The following LRRC20 variants were observed in gnomAD, a reference collection of about 807,000 sequenced individuals.
LRRC20 encodes leucine-rich repeat-containing protein 20.
A neutral mutation model predicts 14.4 loss-of-function variants in LRRC20; 11 were observed. That is an observed-to-expected ratio of 0.77 (90% CI 0.48 to 1.27). The LOEUF (loss-of-function observed/expected upper bound fraction) is 1.27. Among genes scored for constraint, LRRC20 ranks in the 50% most tolerant of loss-of-function variants. The pLI, the probability that LRRC20 is intolerant of heterozygous loss-of-function variation, is 0.00. For synonymous variants in LRRC20, 121 were observed against 107.3 expected (o/e 1.13, Z -0.79); for missense variants, 219 against 251.2 (o/e 0.87, Z 0.87).
At position 70,300,290 on chromosome 10, in the gene LRRC20, T is replaced by A. The variant is rs1841122116; in HGVS notation, c.*1064A>T. The A allele has an allele frequency of 1.1e-6, 1 of 898,864 alleles. No homozygotes were observed. Among genetic ancestry groups the A allele is most frequent in the African/African-American group, 1.8e-5 (1 of 55,356 alleles). 55.7% of individuals were successfully genotyped at this position (898,864 alleles called of 1,614,324 possible). On this transcript the variant is annotated 3_prime_UTR_variant, in exon 5 of 5. Transcript: ENST00000446961. ...CCACTTGCTGGGTACTGTCCCAGTT[T>A]TAGCATTGAAAGTTCCATGTCCTGG...
chr10:70,376,167 C>G (rs1844501184), intron 2 of LRRC20, among the ~76,000 whole-genome samples: 1 of 152,154 alleles, frequency 6.6e-6, no homozygotes, highest in African/African-American at 2.4e-5. Context: ...CCAGGACCAG[C>G]TCTGTATTTT....
intron 2 of LRRC20, among the ~76,000 whole-genome samples, chr10:70,356,676 C>A (rs944944692): frequency 6.6e-6 from 1 of 152,080 alleles, no homozygotes. Context: ...TATGGTGAAA[C>A]CCCGTCTCTA....
intron 2 of LRRC20, among the ~76,000 whole-genome samples, chr10:70,375,413 G>A (rs1262086274): frequency 6.6e-6 from 1 of 152,170 alleles, no homozygotes; most frequent in Non-Finnish European, 1.5e-5. Context: ...AAGGCGGAGG[G>A]CTTCCTGGAA....
intron 2 of LRRC20, among the ~76,000 whole-genome samples, chr10:70,355,261 G>C (rs1395519433): frequency 6.6e-6 from 1 of 152,172 alleles, no homozygotes; most frequent in Non-Finnish European, 1.5e-5. Context: ...GAGCTGGCTG[G>C]CTCTAAAAGG....
At chr10:70,363,296 T>C (rs1843825642) in intron 2 of LRRC20, among the ~76,000 whole-genome samples, 1 of 150,596 alleles carries the variant, frequency 6.6e-6, no homozygotes, top group Non-Finnish European at 1.5e-5. Flanking sequence ...CCCCAGAACA[T>C]TCTCTCAAGG....
intron 3 of LRRC20, among the ~76,000 whole-genome samples, chr10:70,325,168 A>C (rs1433054337): frequency 1.3e-5 from 2 of 152,198 alleles, no homozygotes; most frequent in African/African-American, 4.8e-5. Flanking sequence ...CTTTGTGGGC[A>C]TGGGGCCAGT....
chr10:70,350,534 A>G (rs993182922), intron 2 of LRRC20, among the ~76,000 whole-genome samples: 4 of 152,250 alleles, frequency 2.6e-5, no homozygotes, highest in Admixed American at 6.5e-5. Flanking sequence ...CCAAGAAGAC[A>G]GAACACTCAG....
chr10:70,358,523 T>A (rs1843610472), intron 2 of LRRC20, among the ~76,000 whole-genome samples: 1 of 152,224 alleles, frequency 6.6e-6, no homozygotes, highest in Admixed American at 6.5e-5. Context: ...ATCTCACAGA[T>A]GCATGACTGA....
At chr10:70,304,687 C>T (rs1841351511) in intron 4 of LRRC20, among the ~76,000 whole-genome samples, 1 of 151,750 alleles carries the variant, frequency 6.6e-6, no homozygotes, top group South Asian at 2.1e-4. Context: ...AAACTCTATA[C>T]CCATTTAAAC....
intron 3 of LRRC20, among the ~76,000 whole-genome samples, chr10:70,330,458 C>A (rs934448893): frequency 1.1e-4 from 17 of 151,906 alleles, no homozygotes; most frequent in Non-Finnish European, 2.4e-4. Context: ...TGCTTCTAGG[C>A]CCCCTCCCCA....
intron 3 of LRRC20, among the ~76,000 whole-genome samples, chr10:70,331,006 G>T (rs190542394): frequency 1.4e-4 from 21 of 152,316 alleles, no homozygotes; most frequent in Admixed American, 1.4e-3. Flanking sequence ...CTGGAGGCAG[G>T]TCAGAAAAGC....
chr10:70,341,970 A>C (rs1842931630), intron 2 of LRRC20, among the ~76,000 whole-genome samples: 1 of 151,926 alleles, frequency 6.6e-6, no homozygotes, highest in African/African-American at 2.4e-5. Flanking sequence ...CAGGGGATGG[A>C]GGGTGGGGGA....
intron 2 of LRRC20, among the ~76,000 whole-genome samples, chr10:70,372,688 C>T (rs994030380): frequency 7.1e-4 from 108 of 152,066 alleles, no homozygotes; most frequent in African/African-American, 2.3e-3. Flanking sequence ...GTGATCCGCC[C>T]GCCTCGGCCA....
intron 4 of LRRC20, among the ~76,000 whole-genome samples, chr10:70,320,296 G>GAGATAGATAGATAGATAGAT (rs10555469): frequency 8.8e-5 from 13 of 148,438 alleles, no homozygotes; most frequent in South Asian, 2.2e-4. Flanking sequence ...CATGTCCCAG[G>GAGATAGATAGATAGATAGAT]AGATAGATAG....
intron 2 of LRRC20, among the ~76,000 whole-genome samples, chr10:70,350,253 C>T (rs1009071783): frequency 9.8e-5 from 15 of 152,328 alleles, no homozygotes; most frequent in Admixed American, 5.9e-4. Context: ...GCCACTGACA[C>T]CTGGGCTGCA....
chr10:70,365,666 A>G (rs75061555), intron 2 of LRRC20, among the ~76,000 whole-genome samples: 8,134 of 152,184 alleles, frequency 0.053, 413 homozygotes, highest in African/African-American at 0.13. Flanking sequence ...ACAGCACTGC[A>G]CTCCAGCCTG....
chr10:70,333,461 G>A (rs1244071568), intron 3 of LRRC20, among the ~76,000 whole-genome samples: 10 of 152,146 alleles, frequency 6.6e-5, no homozygotes, highest in Non-Finnish European at 1.0e-4. Context: ...TCTGCTGGGC[G>A]GTTCTTCTGC....
At chr10:70,337,420 C>T (rs1257394951) in intron 3 of LRRC20, among the ~76,000 whole-genome samples, 2 of 152,216 alleles carry the variant, frequency 1.3e-5, no homozygotes, top group Non-Finnish European at 2.9e-5. Flanking sequence ...TTAGCAGGCA[C>T]TTTGTGATTT....
chr10:70,366,093 CAAA>C lies in LRRC20; in HGVS notation c.82+10356_82+10358del, dbSNP rs373106637. On this transcript the variant is annotated intron_variant, in intron 2 of 4. Transcript: ENST00000446961. ...TCAAAAAAAAAAAAAAAAACAACAA[CAAA>C]AAACGAATGGATAGCCAACAAGCAC... Among the ~76,000 whole-genome samples the C allele has an allele frequency of 3.1e-4, 43 of 138,734 alleles. No individual in the cohort carries two copies. In the East Asian group the frequency reaches 3.7e-3, roughly 12 times the overall value. The allele number at this position is 138,734 out of a possible 152,430, so 91.0% of individuals were successfully genotyped here. A position where few individuals can be genotyped will look rare whatever the true frequency, so the allele number is the denominator to read the frequency against.
Sources: allele counts gnomAD v4.1 joint callset (sites outside exome capture counted in the v4.1 genomes callset), GRCh38; gene constraint gnomAD v4.1.1; transcripts MANE v1.5; gene names NCBI Gene and HGNC (gene_info 2026-07-23, HGNC 2026-07-21).